ZNF765: variants seen among roughly 807,000 people sequenced by gnomAD.
The protein encoded by ZNF765 is zinc finger protein 765.
A neutral mutation model predicts 44.7 loss-of-function variants in ZNF765; 37 were observed. The ratio of observed to expected loss-of-function variants is 0.83; its 90% CI spans 0.64 to 1.09. The LOEUF (loss-of-function observed/expected upper bound fraction) is 1.09, where lower values mean the gene tolerates loss of function less well. Among genes scored for constraint, ZNF765 ranks in the 50% least tolerant of loss-of-function variants. The probability of loss-of-function intolerance (pLI) is 0.00; values close to 1 mark genes in which losing one functional copy is unlikely to be tolerated. For missense variants in ZNF765, 594 were observed against 626.1 expected, an observed-to-expected ratio of 0.95 and a Z score of 0.55; for synonymous variants, 201 against 213.7, an observed-to-expected ratio of 0.94 and a Z score of 0.52.
At chr19:53,416,639 G>C (rs1308655827), downstream of ZNF765, among the ~76,000 whole-genome samples, 1 of 151,632 alleles carries the variant, frequency 6.6e-6, no homozygotes, top group Non-Finnish European at 1.5e-5. Flanking sequence ...ACTATATATT[G>C]ATAAACTGTA....
chr19:53,420,707 T>C (rs957948355), intron 3 of ZNF765, among the ~76,000 whole-genome samples: 2 of 152,064 alleles, frequency 1.3e-5, no homozygotes, highest in Admixed American at 1.3e-4. Flanking sequence ...TGACTCAAGG[T>C]TTAATGGATT....
At chr19:53,404,067 C>T (rs1305760711) in intron 3 of ZNF765, among the ~76,000 whole-genome samples, 1 of 152,096 alleles carries the variant, frequency 6.6e-6, no homozygotes, top group Non-Finnish European at 1.5e-5. Flanking sequence ...TGTTATTTGC[C>T]TATTCATTTA....
chr19:53,419,539 T>C (rs1288514384), intron 3 of ZNF765, among the ~76,000 whole-genome samples: 1 of 152,250 alleles, frequency 6.6e-6, no homozygotes, highest in East Asian at 1.9e-4. Flanking sequence ...GTTGTCAGTC[T>C]TGAATTGTAA....
downstream of ZNF765, among the ~76,000 whole-genome samples, chr19:53,415,376 T>C (rs997192654): frequency 2.6e-5 from 4 of 152,258 alleles, no homozygotes; most frequent in East Asian, 5.8e-4. Context: ...AAATATTTAA[T>C]AGTGAACAGA....
chr19:53,408,850 A>C lies in ZNF765; in HGVS notation c.1295A>C (p.His432Pro), dbSNP rs2085805321. ...TTAACCCTTAACATTTGTAGACTTC[A>C]TAGTGGAGAGAAACCTTACAAATGT... ...QQLTLNICRL[H>P]SGEKPYKCEE... is the part of the protein sequence containing the mutation. Residue 432 changes from histidine to proline, a missense_variant, in exon 4 of 4, where the codon CAT (histidine) becomes CCT (proline). Transcript: ENST00000396408. The C allele has an allele frequency of 1.2e-6, 2 of 1,613,972 alleles. No individual in the cohort carries two copies. Among genetic ancestry groups the C allele is most frequent in the African/African-American group, 1.3e-5 (1 of 74,990 alleles).
intron 3 of ZNF765, among the ~76,000 whole-genome samples, chr19:53,404,187 C>G (rs2085754804): frequency 6.6e-6 from 1 of 152,204 alleles, no homozygotes; most frequent in South Asian, 2.1e-4. Context: ...AAGTGATTCT[C>G]CTGCCTCAGT....
At chr19:53,396,247 T>A (rs117970521) in intron 1 of ZNF765, among the ~76,000 whole-genome samples, 3,030 of 149,836 alleles carry the variant, frequency 0.02, 102 homozygotes, top group African/African-American at 0.066. Context: ...AGAGTGGGGA[T>A]GAGGGTATAA....
chr19:53,396,733 T>G (rs1334905459), intron 1 of ZNF765, among the ~76,000 whole-genome samples: 2 of 152,208 alleles, frequency 1.3e-5, no homozygotes, highest in Non-Finnish European at 2.9e-5. Flanking sequence ...TTTTAACCCT[T>G]GCCTTGCCTG....
Position 53,409,495 on chromosome 19 carries a change from C to T in ZNF765, c.*368C>T. The T allele has an allele frequency of 8.3e-6, 8 of 968,522 alleles. No individual in the cohort carries two copies. Among genetic ancestry groups the T allele is most frequent in the Non-Finnish European group, 1.3e-5 (8 of 597,036 alleles). The allele number at this position is 968,522 out of a possible 1,614,324, so 60.0% of individuals were successfully genotyped here. A position where few individuals can be genotyped will look rare whatever the true frequency, so the allele number is the denominator to read the frequency against. On this transcript the variant is annotated 3_prime_UTR_variant, in exon 4 of 4. Coordinates refer to ENST00000396408, the MANE Select transcript of ZNF765 (RefSeq NM_001040185.3). The stretch of plus-strand genomic sequence containing the variant: ...CAAGACCTTCAGCCAGACCTCATCC[C>T]TTACATGCCATTGTAGACTTCGTAC...
rs527575364 is a variant in ZNF765 at position 53,395,854 on chromosome 19, C to T, written c.-74+661C>T. Among the ~76,000 whole-genome samples the T allele has an allele frequency of 2.0e-5, 3 of 152,206 alleles. No individual in the cohort carries two copies. In the East Asian group the frequency reaches 5.8e-4, roughly 29 times the overall value. On this transcript the variant is annotated intron_variant, in intron 1 of 3. Coordinates refer to ENST00000396408, the MANE Select transcript of ZNF765 (RefSeq NM_001040185.3). ...CCTCCTGTGTCTTATCCAAAGCCTC[C>T]GGTGCTTGTGTAGGCTAAAGGGATC...
chr19:53,409,010 T>TA lies in ZNF765; in HGVS notation c.1456dup (p.Arg486LysfsTer12). The TA allele has an allele frequency of 6.2e-7, 1 of 1,604,056 alleles. No homozygotes were observed. Among genetic ancestry groups the TA allele is most frequent in the African/African-American group, 1.3e-5 (1 of 74,702 alleles). On this transcript the variant is annotated frameshift_variant, in exon 4 of 4. Transcript: ENST00000396408. LOFTEE classifies it high-confidence loss of function. ...GGACGTCATCCCTTACATACCATCA[T>TA]AGACTTCATACTGGACAGAAACCTT...
rs1216487720 is a variant in ZNF765 at position 53,410,439 on chromosome 19, A to G, written c.*1312A>G. ...TAGCATAAAAATGTAAGAGTTTGTG[A>G]CAAGGCTTTCAGGCATAATTCGCAC... is the stretch of plus-strand genomic sequence containing the variant. On this transcript the variant is annotated 3_prime_UTR_variant, in exon 4 of 4. Transcript: ENST00000396408. 1 of 345,462 alleles carries G rather than the reference A, an allele frequency of 2.9e-6. No individual in the cohort carries two copies. Among genetic ancestry groups the G allele is most frequent in the African/African-American group, 2.2e-5 (1 of 46,176 alleles). The allele number at this position is 345,462 out of a possible 1,614,324, so 21.4% of individuals were successfully genotyped here.
chr19:53,413,424 C>G (rs1235897436), downstream of ZNF765: 1 of 491,388 alleles, frequency 2.0e-6, no homozygotes, highest in Non-Finnish European at 3.9e-6. Context: ...CTGAAAATGT[C>G]ACCACTATCT....
At chr19:53,403,816 T>G (rs1254357981) in intron 3 of ZNF765, among the ~76,000 whole-genome samples, 1 of 147,916 alleles carries the variant, frequency 6.8e-6, no homozygotes, top group African/African-American at 2.5e-5. Flanking sequence ...CCCTCCAGCC[T>G]GGGTGACAGC....
In ZNF765 at chr19:53,410,170, T is replaced by C. The variant is rs567001395; in HGVS notation, c.*1043T>C. Reference sequence around the variant, plus strand: ...TAGAATTCATACTAGAGAGAAACCTTAGCAGTGTAATGAACGTGGCAAGGT... The same window carrying C: ...TAGAATTCATACTAGAGAGAAACCTCAGCAGTGTAATGAACGTGGCAAGGT... On this transcript the variant is annotated 3_prime_UTR_variant, in exon 4 of 4. Coordinates refer to ENST00000396408, the MANE Select transcript of ZNF765 (RefSeq NM_001040185.3). The C allele has an allele frequency of 1.0e-5, 4 of 393,844 alleles. No individual in the cohort carries two copies. Among genetic ancestry groups the C allele is most frequent in the East Asian group, 7.1e-5 (1 of 14,092 alleles). The allele number at this position is 393,844 out of a possible 1,614,324, so 24.4% of individuals were successfully genotyped here. A position where few individuals can be genotyped will look rare whatever the true frequency, so the allele number is the denominator to read the frequency against.
intron 2 of ZNF765, among the ~76,000 whole-genome samples, chr19:53,399,515 T>A (rs932947566): frequency 6.6e-6 from 1 of 151,598 alleles, no homozygotes; most frequent in African/African-American, 2.4e-5. Flanking sequence ...GAAAAAAAAA[T>A]AACTTTTTTA....
intron 2 of ZNF765, among the ~76,000 whole-genome samples, chr19:53,400,111 C>T (rs926412545): frequency 1.3e-5 from 2 of 152,146 alleles, no homozygotes; most frequent in Non-Finnish European, 2.9e-5. Context: ...CGCATCTGGC[C>T]CCCAGTAGTT....
chr19:53,400,751 A>G (rs1417518392), intron 2 of ZNF765, among the ~76,000 whole-genome samples: 3 of 62,350 alleles, frequency 4.8e-5, no homozygotes, highest in African/African-American at 1.9e-4. Context: ...TGTAGGTTTC[A>G]TTATTTGTTG....
At chr19:53,405,902 ACTATATATATATATATAT>A in intron 3 of ZNF765, among the ~76,000 whole-genome samples, 1 of 37,034 alleles carries the variant, frequency 2.7e-5, no homozygotes, top group African/African-American at 9.1e-5. Context: ...ATTAATACCA[ACTATATATATATATATAT>A]ATATATATAT....
Sources: gnomAD v4.1 joint callset for allele counts (sites outside exome capture counted in the v4.1 genomes callset) on GRCh38, gnomAD v4.1.1 for gene constraint, MANE v1.5 for transcripts, NCBI Gene and HGNC (gene_info 2026-07-23, HGNC 2026-07-21) for gene names.